Variants in STPG2 observed in about 807,000 individuals in gnomAD.
The protein encoded by STPG2 is sperm tail PG-rich repeat containing 2.
A neutral mutation model predicts 54.2 loss-of-function variants in STPG2; 56 were observed. The observed-to-expected ratio is 1.03, with a 90% confidence interval of 0.83 to 1.29. The LOEUF is 1.29. STPG2 is among the 50% of genes most tolerant of loss of function. STPG2 has a pLI of 0.00. For missense variants in STPG2, 596 were observed against 544.9 expected (o/e 1.09, Z -0.93); for synonymous variants, 200 against 181.8 (o/e 1.10, Z -0.81).
chr4:97,671,098 A>T (rs900587513), intron 10 of STPG2, among the ~76,000 whole-genome samples: 2 of 152,168 alleles, frequency 1.3e-5, no homozygotes, highest in African/African-American at 4.8e-5. Flanking sequence ...ACTACAGTTA[A>T]TGACTGTAAT....
intron 10 of STPG2, among the ~76,000 whole-genome samples, chr4:97,669,485 A>C (rs1722632729): frequency 6.6e-6 from 1 of 152,126 alleles, no homozygotes; most frequent in Admixed American, 6.5e-5. Flanking sequence ...TTTTATTTTT[A>C]TTTTAACTTT....
intron 10 of STPG2, among the ~76,000 whole-genome samples, chr4:97,694,203 A>G (rs1723481872): frequency 6.6e-6 from 1 of 152,138 alleles, no homozygotes; most frequent in Non-Finnish European, 1.5e-5. Flanking sequence ...CAAACAAACA[A>G]AAAACAAAAG....
chr4:97,974,602 G>A lies in STPG2; in HGVS notation c.773-2162C>T, dbSNP rs182630861. 3.9e-3 allele frequency among the ~76,000 whole-genome samples: 594 copies of A among 152,190 alleles called. 13 individuals are homozygous for A. Among genetic ancestry groups the A allele is most frequent in the Admixed American group, 0.035 (542 of 15,284 alleles). On this transcript the variant is annotated intron_variant, in intron 6 of 10. Transcript: ENST00000295268. Reference sequence around the variant, plus strand: ...TGAATCACGGGGGTGGGTCTTTCCCGTGTTGTTCTCATGATAGTGAGTAAG... The same window carrying A: ...TGAATCACGGGGGTGGGTCTTTCCCATGTTGTTCTCATGATAGTGAGTAAG...
intron 8 of STPG2, among the ~76,000 whole-genome samples, chr4:97,883,884 T>C (rs1483883968): frequency 6.6e-6 from 1 of 151,770 alleles, no homozygotes; most frequent in Non-Finnish European, 1.5e-5. Context: ...CAAAAAGTAA[T>C]GATCAAAGAA....
chr4:98,095,680 A>G (rs960471154), intron 5 of STPG2, among the ~76,000 whole-genome samples: 2 of 152,246 alleles, frequency 1.3e-5, no homozygotes, highest in African/African-American at 2.4e-5. Flanking sequence ...AGCAAATATT[A>G]TAAGAGCTAA....
At chr4:98,091,321 G>A (rs1414687370) in intron 5 of STPG2, among the ~76,000 whole-genome samples, 1 of 151,904 alleles carries the variant, frequency 6.6e-6, no homozygotes, top group African/African-American at 2.4e-5. Context: ...TTACAAATCT[G>A]TTCATGAATC....
intron 10 of STPG2, among the ~76,000 whole-genome samples, chr4:97,696,696 C>A (rs112903473): frequency 6.6e-6 from 1 of 152,092 alleles, no homozygotes; most frequent in African/African-American, 2.4e-5. Flanking sequence ...GAAAACAATC[C>A]CATCAAAAAG....
At chr4:98,092,119 TTG>T (rs1277198789) in intron 5 of STPG2, among the ~76,000 whole-genome samples, 8 of 152,130 alleles carry the variant, frequency 5.3e-5, no homozygotes, top group African/African-American at 1.4e-4. Context: ...TACTGAATTA[TTG>T]TTTAAGCAAT....
intron 5 of STPG2, among the ~76,000 whole-genome samples, chr4:98,104,619 T>C (rs1739137735): frequency 6.6e-6 from 1 of 152,236 alleles, no homozygotes; most frequent in African/African-American, 2.4e-5. Flanking sequence ...TTCTCTTTGA[T>C]ACTTCAAAAT....
At chr4:97,956,755 C>T (rs1021191218) in intron 7 of STPG2, among the ~76,000 whole-genome samples, 4 of 152,120 alleles carry the variant, frequency 2.6e-5, no homozygotes, top group Admixed American at 2.0e-4. Context: ...AGCCACACCC[C>T]TAGGAAAAGG....
At chr4:97,924,168 C>T (rs755631637) in intron 8 of STPG2, among the ~76,000 whole-genome samples, 1 of 152,152 alleles carries the variant, frequency 6.6e-6, no homozygotes, top group South Asian at 2.1e-4. Context: ...AAGGAAGAAA[C>T]CCTGAACACA....
chr4:97,549,815 G>C (rs1731925755), intron 4 of STPG2, among the ~76,000 whole-genome samples: 1 of 152,172 alleles, frequency 6.6e-6, no homozygotes, highest in Non-Finnish European at 1.5e-5. Flanking sequence ...CTGAGAGACA[G>C]TGTGACCCTG....
At chr4:97,769,638 G>A (rs964409517) in intron 9 of STPG2, among the ~76,000 whole-genome samples, 3 of 151,532 alleles carry the variant, frequency 2.0e-5, no homozygotes, top group East Asian at 1.9e-4. Context: ...AATCATCTTC[G>A]TTTCAATTAT....
intron 5 of STPG2, among the ~76,000 whole-genome samples, chr4:98,065,095 T>C (rs1282897476): frequency 6.6e-6 from 1 of 152,106 alleles, no homozygotes; most frequent in African/African-American, 2.4e-5. Context: ...AAAGGAAGGA[T>C]ATTCATCTTA....
rs114514975 is a variant in STPG2, at chr4:97,543,909, C to G, written c.462+168790G>C. On this transcript the variant is annotated intron_variant, in intron 4 of 4. Transcript: ENST00000522676. ...AGAGCTCAAATATTTGCATGATTAG[C>G]AGACTCTTGACACATGTAATCTACT... is the stretch of plus-strand genomic sequence containing the variant. Among the ~76,000 whole-genome samples the G allele has an allele frequency of 3.9e-3, 591 of 152,052 alleles. 4 individuals are homozygous for G. Among genetic ancestry groups the G allele is most frequent in the African/African-American group, 0.014 (564 of 41,498 alleles).
chr4:97,726,185 C>A (rs1470287109), intron 9 of STPG2, among the ~76,000 whole-genome samples: 2 of 151,782 alleles, frequency 1.3e-5, no homozygotes, highest in African/African-American at 4.8e-5. Context: ...AAATGAGAAT[C>A]AACTCAAGAA....
chr4:97,926,357 C>G (rs1732330341), intron 8 of STPG2, among the ~76,000 whole-genome samples: 1 of 152,134 alleles, frequency 6.6e-6, no homozygotes, highest in Non-Finnish European at 1.5e-5. Context: ...TTTTTCTACT[C>G]TTTTTGATCC....
intron 10 of STPG2, among the ~76,000 whole-genome samples, chr4:97,653,418 CTCT>C (rs1393058804): frequency 6.6e-6 from 1 of 151,220 alleles, no homozygotes; most frequent in Non-Finnish European, 1.5e-5. Flanking sequence ...CTCTACGTCT[CTCT>C]TCTTCTACCA....
intron 4 of STPG2, among the ~76,000 whole-genome samples, chr4:97,496,929 A>G (rs1730623585): frequency 6.6e-6 from 1 of 151,108 alleles, no homozygotes; most frequent in African/African-American, 2.4e-5. Flanking sequence ...AGAAAATAAT[A>G]TCCATATTAA....
Sources: allele counts gnomAD v4.1 joint callset (sites outside exome capture counted in the v4.1 genomes callset), GRCh38; gene constraint gnomAD v4.1.1; transcripts MANE v1.5; gene names NCBI Gene and HGNC (gene_info 2026-07-23, HGNC 2026-07-21).